Variants in PDE4DIP observed in about 807,000 individuals in gnomAD.
PDE4DIP encodes the protein myomegalin.
In PDE4DIP, 59 loss-of-function variants were observed where a neutral mutation model predicts 221.4. The observed-to-expected ratio is 0.27, with a 90% CI of 0.22 to 0.33. The LOEUF (loss-of-function observed/expected upper bound fraction) is 0.33, where lower values mean the gene tolerates loss of function less well. PDE4DIP is among the 10% of genes least tolerant of loss of function. The probability of loss-of-function intolerance (pLI) is 1.00; values close to 1 mark genes in which losing one functional copy is unlikely to be tolerated. For missense variants in PDE4DIP, 1,036 were observed against 2,154.2 expected, an observed-to-expected ratio of 0.48 and a Z score of 10.28; for synonymous variants, 404 against 815.9, an observed-to-expected ratio of 0.50 and a Z score of 8.60.
At chr1:148,893,128 G>A (rs1699377206) in intron 1 of PDE4DIP, among the ~76,000 whole-genome samples, 1 of 120,476 alleles carries the variant, frequency 8.3e-6, no homozygotes. Context: ...TTTTTTTTTG[G>A]CAGAGATTGA....
Position 149,020,990 on chromosome 1 carries a change from G to T in PDE4DIP, c.5961-39G>T, listed in dbSNP as rs782656131. The T allele has an allele frequency of 6.6e-6, 8 of 1,206,018 alleles. No individual in the cohort carries two copies. In the East Asian group the frequency reaches 2.0e-4, roughly 29 times the overall value. The allele number at this position is 1,206,018 out of a possible 1,614,324, so 74.7% of individuals were successfully genotyped here. On this transcript the variant is annotated intron_variant, in intron 36 of 43. Coordinates refer to ENST00000369354, the Ensembl canonical transcript of PDE4DIP. ...CCTGTTGCTCTGGTGTGGCTGAGTA[G>T]CTCTGCCATCTCAGTGGGCCTTGCC...
intron 5 of PDE4DIP, among the ~76,000 whole-genome samples, chr1:148,951,744 G>A (rs1214926255): frequency 6.6e-6 from 1 of 152,312 alleles, no homozygotes; most frequent in Admixed American, 6.5e-5. Context: ...TTTCTCAGGT[G>A]ACTGCTCTGT....
At chr1:148,954,630 A>G (rs1208052023) in intron 5 of PDE4DIP, among the ~76,000 whole-genome samples, 1 of 152,206 alleles carries the variant, frequency 6.6e-6, no homozygotes, top group Non-Finnish European at 1.5e-5. Context: ...TTAAGAAAGG[A>G]TTAACCCATT....
intron 4 of PDE4DIP, among the ~76,000 whole-genome samples, chr1:148,933,696 C>A (rs1553472667): frequency 3.9e-5 from 6 of 152,116 alleles, no homozygotes; most frequent in Non-Finnish European, 7.4e-5. Flanking sequence ...CTTTCCAAGA[C>A]ATAAATTTAA....
intron 1 of PDE4DIP, among the ~76,000 whole-genome samples, chr1:148,906,894 C>A (rs12081241): frequency 1.4e-5 from 2 of 145,250 alleles, no homozygotes; most frequent in Admixed American, 6.8e-5. Flanking sequence ...ACTAAAAATA[C>A]AAAAATTAGC....
intron 5 of PDE4DIP, among the ~76,000 whole-genome samples, chr1:148,948,960 T>G (rs1266045504): frequency 6.6e-6 from 1 of 152,204 alleles, no homozygotes; most frequent in Non-Finnish European, 1.5e-5. Flanking sequence ...GTAGACCTGT[T>G]GTCAGACTTC....
chr1:149,022,885 C>T (rs1553621321), intron 37 of PDE4DIP, among the ~76,000 whole-genome samples: 1 of 151,668 alleles, frequency 6.6e-6, no homozygotes, highest in African/African-American at 2.4e-5. Flanking sequence ...TATTCTGGCA[C>T]ATTAAGAGAT....
chr1:148,997,098 G>C (rs2064422738), intron 22 of PDE4DIP, among the ~76,000 whole-genome samples: 1 of 152,100 alleles, frequency 6.6e-6, no homozygotes, highest in African/African-American at 2.4e-5. Context: ...CCACTGAGAA[G>C]AAAAAGAAGC....
chr1:148,939,471 G>A (rs1553477993), intron 5 of PDE4DIP, among the ~76,000 whole-genome samples: 1 of 149,618 alleles, frequency 6.7e-6, no homozygotes, highest in Non-Finnish European at 1.5e-5. Flanking sequence ...CAATTTGGGT[G>A]CTTAGGCCAC....
At chr1:148,924,379 A>G (rs1261084740) in intron 1 of PDE4DIP, among the ~76,000 whole-genome samples, 178 of 152,212 alleles carry the variant, frequency 1.2e-3, no homozygotes, top group Non-Finnish European at 2.3e-3. Flanking sequence ...AATAGACTCT[A>G]TTATCAGGCC....
At chr1:149,032,555 A>AG (rs2076978796) in exon 44 of PDE4DIP, 1 of 265,278 alleles carries the variant, frequency 3.8e-6, no homozygotes, top group Non-Finnish European at 7.3e-6. Context: ...TCTGCACTGT[A>AG]GCACCTGTGT....
intron 5 of PDE4DIP, among the ~76,000 whole-genome samples, chr1:148,948,919 C>T (rs1350268848): frequency 6.6e-6 from 1 of 152,142 alleles, no homozygotes; most frequent in Non-Finnish European, 1.5e-5. Context: ...AGACTTCAGA[C>T]AATATCAGGT....
intron 14 of PDE4DIP, among the ~76,000 whole-genome samples, chr1:148,971,735 A>G (rs367588616): frequency 2.6e-3 from 397 of 152,268 alleles, no homozygotes; most frequent in African/African-American, 9.2e-3. Context: ...GATACGCAGG[A>G]AAGACCAACC....
At chr1:148,966,628 G>A (rs369907346) in exon 11 of PDE4DIP, 35 of 1,599,848 alleles carry the variant, frequency 2.2e-5, no homozygotes, top group Middle Eastern at 1.7e-4. Context: ...CTTCGCCAGC[G>A]AATACATGAT....
intron 5 of PDE4DIP, among the ~76,000 whole-genome samples, chr1:148,951,417 C>T (rs1373463851): frequency 6.6e-6 from 1 of 151,478 alleles, no homozygotes; most frequent in African/African-American, 2.4e-5. Context: ...AAGTTTTGGA[C>T]CCAAGGGTGG....
chr1:148,824,449 A>G (rs1663845), intron 1 of PDE4DIP, among the ~76,000 whole-genome samples: 1 of 131,080 alleles, frequency 7.6e-6, no homozygotes, highest in South Asian at 2.5e-4. Context: ...GCAACATTCC[A>G]TCACTGCTGC....
At chr1:148,946,075 T>C (rs587678400) in intron 5 of PDE4DIP, among the ~76,000 whole-genome samples, 11 of 152,214 alleles carry the variant, frequency 7.2e-5, no homozygotes, top group Middle Eastern at 3.4e-3. Flanking sequence ...CTTCGCTGAC[T>C]TCAAAAACTT....
intron 4 of PDE4DIP, among the ~76,000 whole-genome samples, chr1:148,937,132 T>G (rs1232682145): frequency 6.6e-6 from 1 of 152,220 alleles, no homozygotes; most frequent in Non-Finnish European, 1.5e-5. Context: ...TACATTGCAC[T>G]ATGATGTTAC....
chr1:148,937,077 CAGT>C (rs2049360992), intron 4 of PDE4DIP, among the ~76,000 whole-genome samples: 1 of 152,170 alleles, frequency 6.6e-6, no homozygotes, highest in Non-Finnish European at 1.5e-5. Flanking sequence ...ACTGCCAGTG[CAGT>C]AGGTTTGCTT....
Sources: gnomAD v4.1 joint callset for allele counts (sites outside exome capture counted in the v4.1 genomes callset) on GRCh38, gnomAD v4.1.1 for gene constraint, MANE v1.5 for transcripts, NCBI Gene and HGNC (gene_info 2026-07-23, HGNC 2026-07-21) for gene names.